The following PEPD variants were observed in gnomAD, a reference collection of about 807,000 sequenced individuals.
PEPD encodes the protein peptidase D.
A neutral mutation model predicts 60.7 loss-of-function variants in PEPD; 53 were observed. That is an observed-to-expected ratio of 0.87 (90% confidence interval 0.70 to 1.10). PEPD has a LOEUF of 1.10. Ranked by LOEUF, PEPD falls within the 50% of genes least tolerant of loss-of-function variation. The pLI is 0.00. For synonymous variants in PEPD, 267 were observed against 284.1 expected (o/e 0.94, Z 0.60); for missense variants, 711 against 711.9 (o/e 1.00, Z 0.01).
At chr19:33,484,231 G>A (rs1970358257) in intron 6 of PEPD, among the ~76,000 whole-genome samples, 1 of 152,192 alleles carries the variant, frequency 6.6e-6, no homozygotes, top group South Asian at 2.1e-4. Flanking sequence ...GGCAGCAGGT[G>A]ACATAAATCA....
At chr19:33,388,161 G>A (rs1968124687) in intron 13 of PEPD, 80 bp from the exon 14 acceptor site, 6 of 1,202,870 alleles carry the variant, frequency 5.0e-6, no homozygotes, top group African/African-American at 1.5e-5. Context: ...GGGCATGTGA[G>A]GGCCGGTGCC....
intron 3 of PEPD, among the ~76,000 whole-genome samples, chr19:33,510,800 A>G (rs1600174885): frequency 6.6e-6 from 1 of 152,270 alleles, no homozygotes; most frequent in Admixed American, 6.5e-5. Flanking sequence ...CAATTTCTCA[A>G]TAACTCCTAC....
intron 13 of PEPD, chr19:33,388,584 G>A (rs576823692): frequency 7.9e-6 from 2 of 252,020 alleles, no homozygotes; most frequent in South Asian, 5.1e-5. Context: ...CAGATTTTCC[G>A]TGTGACTGTC....
intron 11 of PEPD, among the ~76,000 whole-genome samples, chr19:33,411,217 G>A (rs1220089979): frequency 6.6e-6 from 1 of 152,168 alleles, no homozygotes; most frequent in Admixed American, 6.5e-5. Flanking sequence ...CAGAGGCCAC[G>A]GGCTCCTGCA....
intron 9 of PEPD, among the ~76,000 whole-genome samples, chr19:33,432,584 T>A (rs1485349389): frequency 6.6e-6 from 1 of 152,194 alleles, no homozygotes; most frequent in Non-Finnish European, 1.5e-5. Context: ...GATAGCTCTC[T>A]CCCCTGGGAG....
chr19:33,418,777 C>T (rs1413187681), intron 9 of PEPD, among the ~76,000 whole-genome samples: 1 of 152,198 alleles, frequency 6.6e-6, no homozygotes, highest in Non-Finnish European at 1.5e-5. Flanking sequence ...TGACGACAAA[C>T]ACAGACAAAG....
chr19:33,497,683 C>T (rs1221288090), intron 4 of PEPD, among the ~76,000 whole-genome samples: 1 of 152,212 alleles, frequency 6.6e-6, no homozygotes, highest in Non-Finnish European at 1.5e-5. Flanking sequence ...GCAGAACCAG[C>T]CTGGGGACCC....
intron 11 of PEPD, among the ~76,000 whole-genome samples, chr19:33,411,163 C>T (rs748000690): frequency 7.9e-5 from 12 of 152,318 alleles, no homozygotes; most frequent in Admixed American, 1.3e-4. Context: ...AAGCCCTGCA[C>T]GCAGCCACGG....
chr19:33,423,875 CTA>C (rs1397782103), intron 9 of PEPD, among the ~76,000 whole-genome samples: 1 of 152,206 alleles, frequency 6.6e-6, no homozygotes, highest in Non-Finnish European at 1.5e-5. Flanking sequence ...TTCCCTACCC[CTA>C]TGATTATATA....
In PEPD at chr19:33,387,932, GA is replaced by G; in HGVS notation, c.1301del (p.Phe434SerfsTer24). 6.3e-7 allele frequency: 1 copy of G among 1,596,492 alleles called. No individual in the cohort carries two copies. Among genetic ancestry groups the G allele is most frequent in the Non-Finnish European group, 8.5e-7 (1 of 1,172,254 alleles). On this transcript the variant is annotated frameshift_variant, in exon 14 of 15. Coordinates refer to ENST00000244137, the MANE Select transcript of PEPD (RefSeq NM_000285.4). LOFTEE classifies it high-confidence loss of function. ...AGCGCTGCAGGACCTCGCGGTTAAGGAAGGAGGCGCGGGCCGGGTCCGCCAG... is the reference window on the plus strand; with the variant it reads ...AGCGCTGCAGGACCTCGCGGTTAAGGAGGAGGCGCGGGCCGGGTCCGCCAG... The part of the protein sequence containing the change: ...EALADPARAS[F>X]LNREVLQRFR...
intron 12 of PEPD, among the ~76,000 whole-genome samples, chr19:33,401,184 G>A (rs944347234): frequency 1.3e-5 from 2 of 152,238 alleles, no homozygotes; most frequent in Non-Finnish European, 2.9e-5. Flanking sequence ...GGTGGTGACT[G>A]TGACCCCTGC....
chr19:33,485,520 C>G (rs942213151), intron 6 of PEPD, among the ~76,000 whole-genome samples: 4 of 146,036 alleles, frequency 2.7e-5, no homozygotes, highest in African/African-American at 5.2e-5. Flanking sequence ...GAAGCCAATC[C>G]TAAATATTAA....
Position 33,387,725 on chromosome 19 carries a change from C to T in PEPD, c.1344+165G>A. ...TTTGCAGGATCTCTGTCTGTTCCTA[C>T]TGAGGGGTGAGGCTCCATCCTGTGA... On this transcript the variant is annotated intron_variant, in intron 14 of 14. Transcript: ENST00000244137. The T allele has an allele frequency of 3.9e-6, 3 of 766,950 alleles. No homozygotes were observed. The South Asian group carries it at 4.6e-5, about 12-fold the overall frequency. The allele number at this position is 766,950 out of a possible 1,614,324, so 47.5% of individuals were successfully genotyped here.
At chr19:33,405,847 G>A (rs1190644257) in intron 11 of PEPD, among the ~76,000 whole-genome samples, 1 of 152,262 alleles carries the variant, frequency 6.6e-6, no homozygotes, top group African/African-American at 2.4e-5. Context: ...TCGGCAGACA[G>A]GAAAGCTGCC....
At chr19:33,451,390 C>G (rs575211408) in intron 9 of PEPD, among the ~76,000 whole-genome samples, 2 of 152,182 alleles carry the variant, frequency 1.3e-5, no homozygotes, top group Non-Finnish European at 2.9e-5. Flanking sequence ...AACTTTTGAA[C>G]ATAAGTAGAA....
intron 12 of PEPD, among the ~76,000 whole-genome samples, chr19:33,393,245 TGG>T (rs1568446659): frequency 8.5e-6 from 1 of 117,980 alleles, no homozygotes; most frequent in African/African-American, 3.2e-5. Context: ...GTCTGGGGTC[TGG>T]GGTCTGGCGT....
chr19:33,401,797 C>T lies in PEPD; in HGVS notation c.891G>A (p.Lys297=). 1.9e-6 allele frequency: 3 copies of T among 1,612,972 alleles called. No homozygotes were observed. Among genetic ancestry groups the T allele is most frequent in the Non-Finnish European group, 1.7e-6 (2 of 1,179,774 alleles). Reference sequence around the variant, plus strand: ...AGACGGCCTTCTGGTCTGCAGTGAACTTGCCGTTGGCGGGAAAGGAGCAGG... The same window carrying T: ...AGACGGCCTTCTGGTCTGCAGTGAATTTGCCGTTGGCGGGAAAGGAGCAGG... ...DITCSFPANG[K]FTADQKAVYE... is the part of the protein sequence containing the mutation. The change falls in exon 12 of 15, where the codon AAG becomes AAA. Residue 297 remains lysine, a synonymous_variant. Transcript: ENST00000244137.
chr19:33,391,174 G>A lies in PEPD; in HGVS notation c.1152+121C>T, dbSNP rs1477349911. 2.8e-5 allele frequency: 23 copies of A among 826,296 alleles called. 1 individual carries two copies. The South Asian group carries it at 2.9e-4, about 10-fold the overall frequency. 51.2% of individuals were successfully genotyped at this position (826,296 alleles called of 1,614,324 possible). A position where few individuals can be genotyped will look rare whatever the true frequency, so the allele number is the denominator to read the frequency against. On this transcript the variant is annotated intron_variant, in intron 13 of 14. Transcript: ENST00000244137. Reference sequence around the variant, plus strand: ...GCCTCCGTATACCACAGGGAGCCATGGGGCCCATCCCTGCCATCCCAATAC... The same window carrying A: ...GCCTCCGTATACCACAGGGAGCCATAGGGCCCATCCCTGCCATCCCAATAC...
chr19:33,411,798 G>T (rs1968783091), intron 10 of PEPD, 49 bp from the exon 11 acceptor site: 3 of 1,156,030 alleles, frequency 2.6e-6, no homozygotes, highest in Non-Finnish European at 3.9e-6. Flanking sequence ...TCTGCAGCAG[G>T]CTCTGAAGGA....
Sources: allele counts gnomAD v4.1 joint callset (sites outside exome capture counted in the v4.1 genomes callset), GRCh38; gene constraint gnomAD v4.1.1; transcripts MANE v1.5; gene names NCBI Gene and HGNC (gene_info 2026-07-23, HGNC 2026-07-21).